DOCK2: variants seen among roughly 807,000 people sequenced by gnomAD.
DOCK2 encodes dedicator of cytokinesis 2.
DOCK2 carries 87 observed loss-of-function variants against 248.9 expected under a neutral mutation model. The ratio of observed to expected loss-of-function variants is 0.35; its 90% CI spans 0.29 to 0.42. DOCK2 has a LOEUF of 0.42. Ranked by LOEUF, DOCK2 falls within the 10% of genes least tolerant of loss-of-function variation. DOCK2 has a pLI of 1.00. For synonymous variants in DOCK2, 805 were observed against 821.6 expected (o/e 0.98, Z 0.35); for missense variants, 1,747 against 2,300.2 (o/e 0.76, Z 4.92).
chr5:169,746,993 C>A (rs1336121413), intron 22 of DOCK2, among the ~76,000 whole-genome samples: 5 of 152,130 alleles, frequency 3.3e-5, no homozygotes, highest in Non-Finnish European at 7.4e-5. Flanking sequence ...CAATGGGTGG[C>A]GGAAATGGCA....
At chr5:169,670,051 T>C (rs188457576) in intron 3 of DOCK2, among the ~76,000 whole-genome samples, 24 of 152,350 alleles carry the variant, frequency 1.6e-4, no homozygotes, top group Admixed American at 1.4e-3. Flanking sequence ...CAAATCGAAC[T>C]AGCCCAAATG....
At chr5:169,685,491 G>A (rs887655149) in intron 8 of DOCK2, among the ~76,000 whole-genome samples, 2 of 152,206 alleles carry the variant, frequency 1.3e-5, no homozygotes, top group Non-Finnish European at 2.9e-5. Context: ...ACCACTGACC[G>A]TGACTGCAGG....
intron 22 of DOCK2, among the ~76,000 whole-genome samples, chr5:169,741,660 C>T (rs1235182317): frequency 2.6e-5 from 4 of 152,150 alleles, no homozygotes; most frequent in Non-Finnish European, 4.4e-5. Flanking sequence ...ATAGAAAAAG[C>T]GTAGAGCCAG....
At chr5:169,720,654 C>T (rs1046520275) in intron 22 of DOCK2, among the ~76,000 whole-genome samples, 1 of 152,154 alleles carries the variant, frequency 6.6e-6, no homozygotes, top group Non-Finnish European at 1.5e-5. Flanking sequence ...GAGCGGCTCC[C>T]CTTCCTACTG....
chr5:169,801,051 G>A (rs928770012), intron 25 of DOCK2, among the ~76,000 whole-genome samples: 1 of 135,792 alleles, frequency 7.4e-6, no homozygotes, highest in Non-Finnish European at 1.5e-5. Context: ...TGCCTCCCTG[G>A]TTTAAGCTTC....
chr5:169,919,794 A>G (rs1775073340), intron 27 of DOCK2, among the ~76,000 whole-genome samples: 1 of 152,152 alleles, frequency 6.6e-6, no homozygotes, highest in Non-Finnish European at 1.5e-5. Context: ...TCTTCCCTGG[A>G]GTATTTGCAT....
At chr5:169,957,403 C>T (rs1040901600) in intron 27 of DOCK2, among the ~76,000 whole-genome samples, 9 of 152,182 alleles carry the variant, frequency 5.9e-5, no homozygotes, top group Admixed American at 5.2e-4. Context: ...ACGTAATAGG[C>T]ACTCAACCAA....
At chr5:169,644,629 T>C (rs1240880373) in intron 1 of DOCK2, among the ~76,000 whole-genome samples, 2 of 152,152 alleles carry the variant, frequency 1.3e-5, no homozygotes, top group East Asian at 3.9e-4. Context: ...CTTTTTTTTT[T>C]TTTTTTAATT....
chr5:169,756,575 C>A (rs549792418), intron 23 of DOCK2, among the ~76,000 whole-genome samples: 3 of 152,122 alleles, frequency 2.0e-5, no homozygotes, highest in South Asian at 4.2e-4. Context: ...GAGCTCAGGG[C>A]CCTGAGGGCT....
At chr5:170,001,609 T>G (rs577115464) in intron 30 of DOCK2, among the ~76,000 whole-genome samples, 1 of 152,120 alleles carries the variant, frequency 6.6e-6, no homozygotes, top group African/African-American at 2.4e-5. Context: ...AATCTCATAT[T>G]TTTTTTAGGG....
chr5:169,666,422 A>G (rs1306253897), intron 2 of DOCK2, among the ~76,000 whole-genome samples: 1 of 152,188 alleles, frequency 6.6e-6, no homozygotes, highest in Middle Eastern at 3.2e-3. Context: ...GTTAGCAAAA[A>G]AGCCCTTGTT....
intron 27 of DOCK2, among the ~76,000 whole-genome samples, chr5:169,978,916 C>T (rs1777835927): frequency 6.6e-6 from 1 of 152,170 alleles, no homozygotes. Context: ...CCAATCGGAG[C>T]GAGGTGACAC....
intron 39 of DOCK2, among the ~76,000 whole-genome samples, chr5:170,046,697 A>C (rs911699880): frequency 2.0e-5 from 3 of 152,118 alleles, no homozygotes; most frequent in Non-Finnish European, 4.4e-5. Flanking sequence ...GCACCAAGAG[A>C]CACCTAATAC....
intron 27 of DOCK2, among the ~76,000 whole-genome samples, chr5:169,981,597 C>G (rs575374948): frequency 1.3e-5 from 2 of 152,220 alleles, no homozygotes; most frequent in South Asian, 2.1e-4. Flanking sequence ...ACACTATAAA[C>G]AAACTTCACT....
At chr5:169,842,739 C>T (rs1331342980) in intron 27 of DOCK2, among the ~76,000 whole-genome samples, 2 of 152,102 alleles carry the variant, frequency 1.3e-5, no homozygotes, top group Admixed American at 6.5e-5. Context: ...TTAAATGGGG[C>T]CTGTGTCATA....
chr5:169,880,007 G>T (rs1380975773), intron 27 of DOCK2, among the ~76,000 whole-genome samples: 2 of 152,168 alleles, frequency 1.3e-5, no homozygotes, highest in Admixed American at 1.3e-4. Context: ...TGTCCTCTCT[G>T]TCTAGACATT....
At chr5:169,726,587 T>C (rs1324226654) in intron 22 of DOCK2, among the ~76,000 whole-genome samples, 1 of 152,252 alleles carries the variant, frequency 6.6e-6, no homozygotes, top group Admixed American at 6.5e-5. Flanking sequence ...ATGCATGAAC[T>C]TTTAAATAGT....
chr5:169,976,984 T>C (rs1777738720), intron 27 of DOCK2, among the ~76,000 whole-genome samples: 1 of 152,236 alleles, frequency 6.6e-6, no homozygotes, highest in South Asian at 2.1e-4. Flanking sequence ...ATTCAGTTTA[T>C]TCTATTGCAC....
At chr5:170,026,612 T>C (rs371845746) in intron 33 of DOCK2, among the ~76,000 whole-genome samples, 1 of 152,154 alleles carries the variant, frequency 6.6e-6, no homozygotes, top group African/African-American at 2.4e-5. Context: ...CTCTTCAGGG[T>C]ATAATACTAA....
Sources: allele counts gnomAD v4.1 joint callset (sites outside exome capture counted in the v4.1 genomes callset), GRCh38; gene constraint gnomAD v4.1.1; transcripts MANE v1.5; gene names NCBI Gene and HGNC (gene_info 2026-07-23, HGNC 2026-07-21).